The following CLINT1 variants were observed in gnomAD, a reference collection of about 807,000 sequenced individuals.
CLINT1 encodes the protein clathrin interacting protein localized in the trans-Golgi region.
A neutral mutation model predicts 70.4 loss-of-function variants in CLINT1; 15 were observed. That is an observed-to-expected ratio of 0.21 (90% confidence interval 0.14 to 0.33). The LOEUF is 0.33. CLINT1 is among the 10% of genes least tolerant of loss of function. The pLI, the probability that CLINT1 is intolerant of heterozygous loss-of-function variation, is 1.00. For missense variants in CLINT1, 615 were observed against 778.1 expected (o/e 0.79, Z 2.49); for synonymous variants, 227 against 254.7 (o/e 0.89, Z 1.04).
chr5:157,840,063 G>A (rs985226766), intron 1 of CLINT1, among the ~76,000 whole-genome samples: 5 of 151,748 alleles, frequency 3.3e-5, no homozygotes, highest in African/African-American at 1.2e-4. Context: ...AGCTGGGCAT[G>A]ATGGGCCTAT....
intron 1 of CLINT1, among the ~76,000 whole-genome samples, chr5:157,834,486 A>C (rs1763352123): frequency 6.6e-6 from 1 of 152,222 alleles, no homozygotes; most frequent in South Asian, 2.1e-4. Flanking sequence ...GACTATAAAA[A>C]AAAGTCCTAA....
intron 1 of CLINT1, among the ~76,000 whole-genome samples, chr5:157,853,579 C>T (rs1165161848): frequency 1.3e-5 from 2 of 151,632 alleles, no homozygotes; most frequent in African/African-American, 4.8e-5. Context: ...GAGTTCAAGA[C>T]CAGCCTGGCC....
Position 157,790,634 on chromosome 5 carries a change from T to C in CLINT1, c.1380+1069A>G, listed in dbSNP as rs1238637510. The C allele has an allele frequency of 8.8e-6, 4 of 455,532 alleles. No homozygotes were observed. In the East Asian group the frequency reaches 2.8e-4, roughly 32 times the overall value. The allele number at this position is 455,532 out of a possible 1,614,324, so 28.2% of individuals were successfully genotyped here. ...TCTTTCTTCTTTTCCTTCATCCTAATACCCCAAAGACGAGAATCTACACAT... is the reference window on the plus strand; with the variant it reads ...TCTTTCTTCTTTTCCTTCATCCTAACACCCCAAAGACGAGAATCTACACAT... On this transcript the variant is annotated intron_variant, in intron 10 of 11. Transcript: ENST00000411809.
In CLINT1 at chr5:157,814,204, C is replaced by T; in HGVS notation, c.333G>A (p.Leu111=). 1 of 1,607,654 alleles carries T rather than the reference C, an allele frequency of 6.2e-7. No individual in the cohort carries two copies. Among genetic ancestry groups the T allele is most frequent in the South Asian group, 1.1e-5 (1 of 89,868 alleles). ...GCTTACCTACAAAGTGGTAATTTTC[C>T]AGGGATCGTAAATCATAAATGTGTT... is the stretch of plus-strand genomic sequence containing the variant. ...AREHIYDLRS[L]ENYHFVDEHG... The change falls in exon 4 of 12, where the codon CTG becomes CTA. Residue 111 remains leucine, a synonymous_variant. Coordinates refer to ENST00000411809, the MANE Select transcript of CLINT1 (RefSeq NM_014666.4).
rs748077473 is a variant in CLINT1, at chr5:157,789,345, C to G, written c.1531+18G>C. 1 of 1,609,112 alleles carries G rather than the reference C, an allele frequency of 6.2e-7. No homozygotes were observed. ...ACTGCAAGTACACAAAGAAGTGGGA[C>G]GTCTTAAGGTAACTTACTCTGTTGC... On this transcript the variant is annotated intron_variant, in intron 11 of 11. Transcript: ENST00000411809.
chr5:157,788,851 C>T lies in CLINT1; in HGVS notation c.1531+512G>A, dbSNP rs191621452. On this transcript the variant is annotated intron_variant, in intron 11 of 11. Transcript: ENST00000411809. The stretch of plus-strand genomic sequence containing the variant: ...GGTGTGGCGGTGCACGCCTGTAGTC[C>T]CAGCTACTCGGAAGGCTGAGGCAAG... 2.4e-3 allele frequency among the ~76,000 whole-genome samples: 364 copies of T among 151,840 alleles called. 1 individual carries two copies. The highest frequency in any genetic ancestry group is 0.01 in the Middle Eastern group (3 of 294).
chr5:157,787,911 C>T lies in CLINT1; in HGVS notation c.1613G>A (p.Arg538Gln), dbSNP rs778264324. The T allele has an allele frequency of 2.5e-5, 40 of 1,613,278 alleles. No homozygotes were observed. In the African/African-American group the frequency reaches 2.7e-4, roughly 11 times the overall value. The change falls in exon 12 of 12, where the codon CGG becomes CAG. Residue 538 changes from arginine to glutamine, a missense_variant. Arg to Gln is a conservative substitution (Grantham distance 43). Coordinates refer to ENST00000411809, the MANE Select transcript of CLINT1 (RefSeq NM_014666.4). Reference sequence around the variant, plus strand: ...CCCTATCAAAGCATTAGTTTGGGGCCGGACAGGAAGCATGTTCGATGGAGA... The same window carrying T: ...CCCTATCAAAGCATTAGTTTGGGGCTGGACAGGAAGCATGTTCGATGGAGA... ...LSSPSNMLPV[R>Q]PQTNALIGGP... is the part of the protein sequence containing the mutation.
intron 2 of CLINT1, 91 bp from the exon 3 acceptor site, chr5:157,816,921 G>A (rs1182929171): frequency 1.1e-5 from 10 of 888,886 alleles, no homozygotes; most frequent in Non-Finnish European, 1.7e-5. Context: ...TCCCTGAAGA[G>A]TTTTTAAAAA....
At chr5:157,828,879 A>G (rs941368635) in intron 1 of CLINT1, among the ~76,000 whole-genome samples, 3 of 148,964 alleles carry the variant, frequency 2.0e-5, no homozygotes, top group African/African-American at 7.5e-5. Context: ...ACTTGAGATC[A>G]GGAGTTCGAG....
At chr5:157,830,757 C>CCTCTCTCTCCCT (rs1763202686) in intron 1 of CLINT1, among the ~76,000 whole-genome samples, 8 of 87,408 alleles carry the variant, frequency 9.2e-5, no homozygotes, top group Non-Finnish European at 1.1e-4. Context: ...CCTCTCTCTC[C>CCTCTCTCTCCCT]CTCTCTCTCT....
At chr5:157,843,676 G>A (rs1463404256) in intron 1 of CLINT1, among the ~76,000 whole-genome samples, 1 of 152,088 alleles carries the variant, frequency 6.6e-6, no homozygotes, top group Non-Finnish European at 1.5e-5. Context: ...TTTTAAATAG[G>A]TGGTGCTCCA....
intron 5 of CLINT1, among the ~76,000 whole-genome samples, 196 bp from the exon 6 acceptor site, chr5:157,810,001 G>A (rs562535633): frequency 6.6e-6 from 1 of 152,182 alleles, no homozygotes; most frequent in Admixed American, 6.5e-5. Flanking sequence ...CAGGAATGCA[G>A]ATTCAAAAGC....
chr5:157,809,641 G>T lies in CLINT1; in HGVS notation c.682C>A (p.Pro228Thr). The change falls in exon 6 of 12, where the codon CCA becomes ACA. Residue 228 changes from proline (P) to threonine (T), a missense_variant. Pro to Thr is a conservative substitution (Grantham distance 38, BLOSUM62 -1). This residue lies in a region of CLINT1 where 241 missense variants were observed against 368.6 expected (regional missense o/e 0.65). Transcript: ENST00000411809. ...GTGGTAAAATACCTGCATCTTTCTG[G>T]AGAGTCTTCTCTATCTTTCCTCCGG... ...KFRRKDREDS[P>T]ERCSDSDEEK... 6.2e-7 allele frequency: 1 copy of T among 1,606,524 alleles called. No individual in the cohort carries two copies. The highest frequency in any genetic ancestry group is 8.5e-7 in the Non-Finnish European group (1 of 1,177,220).
intron 7 of CLINT1, among the ~76,000 whole-genome samples, chr5:157,804,563 C>G (rs1213350703): frequency 6.6e-6 from 1 of 152,108 alleles, no homozygotes; most frequent in Non-Finnish European, 1.5e-5. Flanking sequence ...AGTTGGGTAA[C>G]TTTCTAAGAA....
intron 9 of CLINT1, 45 bp downstream of exon 9, chr5:157,794,853 C>A: frequency 1.4e-6 from 2 of 1,450,270 alleles, no homozygotes. Context: ...TTTTTAATAA[C>A]CTTTTTACCA....
chr5:157,816,627 C>A, intron 3 of CLINT1, 107 bp downstream of exon 3: 1 of 676,326 alleles, frequency 1.5e-6, no homozygotes, highest in Non-Finnish European at 2.5e-6. Context: ...TTCGATTATT[C>A]TATTCTAGGA....
chr5:157,788,968 G>GAAAAAAAAAAAAAA (rs58634730), intron 11 of CLINT1, among the ~76,000 whole-genome samples: 30 of 95,556 alleles, frequency 3.1e-4, no homozygotes, highest in Non-Finnish European at 4.9e-4. Context: ...CTCCATCTCA[G>GAAAAAAAAAAAAAA]AAAAAAAAAA....
Position 157,787,820 on chromosome 5 carries a change from A to T in CLINT1, c.1704T>A (p.Asn568Lys), listed in dbSNP as rs190825502. ...TCATGCTCTGGTTCATCATCGGAGT[A>T]TTTCCAAGAGGGGCCATTCCCATGG... ...TGTMGMAPLGNTPMMNQSMMG... is the reference protein window; with the variant it reads ...TGTMGMAPLGKTPMMNQSMMG... Residue 568 changes from asparagine (N) to lysine (K), a missense_variant, in exon 12 of 12, where the codon AAT becomes AAA. By Grantham distance (94) the Asn-to-Lys change is moderately conservative. Around this residue, in one of 2 missense-constraint regions of CLINT1, gnomAD observed 374 missense variants for 409.6 expected, o/e 0.91. Coordinates refer to ENST00000411809, the MANE Select transcript of CLINT1 (RefSeq NM_014666.4). 1.9e-3 allele frequency: 3,004 copies of T among 1,613,912 alleles called. 4 individuals are homozygous for T. Among genetic ancestry groups the T allele is most frequent in the Non-Finnish European group, 2.1e-3 (2,469 of 1,179,884 alleles).
At chr5:157,841,225 C>T (rs1753164063) in intron 1 of CLINT1, among the ~76,000 whole-genome samples, 1 of 152,046 alleles carries the variant, frequency 6.6e-6, no homozygotes, top group Non-Finnish European at 1.5e-5. Context: ...ATGATGGTGT[C>T]ACTGTAATCC....
Sources: allele counts gnomAD v4.1 joint callset (sites outside exome capture counted in the v4.1 genomes callset), GRCh38; gene constraint gnomAD v4.1.1; regional missense constraint gnomAD v4.1.1; transcripts MANE v1.5; gene names NCBI Gene and HGNC (gene_info 2026-07-23, HGNC 2026-07-21).